Variants in FBXO38 observed in about 807,000 individuals in gnomAD.
FBXO38 encodes the protein F-box only protein 38.
FBXO38 carries 53 observed loss-of-function variants against 131.9 expected under a neutral mutation model. The ratio of observed to expected loss-of-function variants is 0.40; its 90% CI spans 0.32 to 0.51. The LOEUF is 0.51. FBXO38 is among the 20% of genes least tolerant of loss of function. FBXO38 has a pLI of 0.53. For synonymous variants in FBXO38, 452 were observed against 505.6 expected (o/e 0.89, Z 1.42); for missense variants, 1,076 against 1,475.6 (o/e 0.73, Z 4.44).
chr5:148,427,175 T>A, intron 14 of FBXO38, 38 bp from the exon 15 acceptor site: 1 of 1,537,854 alleles, frequency 6.5e-7, no homozygotes, highest in Admixed American at 2.2e-5. Context: ...CTGAAATCTT[T>A]TCTTTTCCTC....
At chr5:148,400,175 G>A (rs1283057777) in intron 3 of FBXO38, among the ~76,000 whole-genome samples, 1 of 151,982 alleles carries the variant, frequency 6.6e-6, no homozygotes, top group Non-Finnish European at 1.5e-5. Flanking sequence ...GTTTGTGGGA[G>A]GCAAACCACG....
rs747475062 is a variant in FBXO38, at chr5:148,427,501, C to T, written c.2207C>T (p.Ser736Phe). 8 of 1,614,188 alleles carry T rather than the reference C, an allele frequency of 5.0e-6. No individual in the cohort carries two copies. The highest frequency in any genetic ancestry group is 1.6e-4 in the Middle Eastern group (1 of 6,062). Residue 736 changes from serine to phenylalanine, a missense_variant, in exon 15 of 22, where the codon TCT becomes TTT. Physicochemically the swap from Ser to Phe is radical, Grantham distance 155. Around this residue, in one of 8 missense-constraint regions of FBXO38, gnomAD observed 213 missense variants for 225.2 expected, o/e 0.95. Coordinates refer to ENST00000340253, the MANE Select transcript of FBXO38 (RefSeq NM_205836.3). Reference sequence around the variant, plus strand: ...GTAAGGACGGTGAACAGCGGCGGCTCTTCCGAGCCTAGCCCTACAGAAGTG... The same window carrying T: ...GTAAGGACGGTGAACAGCGGCGGCTTTTCCGAGCCTAGCCCTACAGAAGTG... ...DFVRTVNSGG[S>F]SEPSPTEVDV...
chr5:148,387,409 C>T (rs1251070102), intron 1 of FBXO38, among the ~76,000 whole-genome samples: 1 of 152,202 alleles, frequency 6.6e-6, no homozygotes, highest in South Asian at 2.1e-4. Flanking sequence ...GCTATTTCCT[C>T]CACATCTGCA....
intron 21 of FBXO38, 131 bp downstream of exon 21, chr5:148,441,368 A>T: frequency 1.5e-6 from 1 of 682,606 alleles, no homozygotes; most frequent in South Asian, 1.7e-5. Flanking sequence ...ATTTGTATTT[A>T]CTCACTTCAA....
intron 12 of FBXO38, among the ~76,000 whole-genome samples, chr5:148,418,384 T>C (rs1316111915): frequency 6.6e-6 from 1 of 152,202 alleles, no homozygotes; most frequent in Non-Finnish European, 1.5e-5. Context: ...CTATATGGTA[T>C]TAAATCCAAA....
intron 1 of FBXO38, among the ~76,000 whole-genome samples, chr5:148,394,436 C>T (rs1221242839): frequency 6.6e-6 from 1 of 152,118 alleles, no homozygotes; most frequent in Non-Finnish European, 1.5e-5. Context: ...TAAGAAGCAA[C>T]AGTACAAATT....
In FBXO38 at chr5:148,433,522, C is replaced by G. The variant is rs770653977; in HGVS notation, c.2752C>G (p.Gln918Glu). The G allele has an allele frequency of 2.5e-6, 4 of 1,607,962 alleles. No homozygotes were observed. The highest frequency in any genetic ancestry group is 3.4e-6 in the Non-Finnish European group (4 of 1,175,672). Residue 918 changes from glutamine to glutamate, a missense_variant and splice_region_variant, in exon 16 of 22, where the codon CAG becomes GAG. Around this residue, in one of 8 missense-constraint regions of FBXO38, gnomAD observed 282 missense variants for 418.8 expected, o/e 0.67. Transcript: ENST00000340253. ...TCCTGTGATCGAGGATGACCATGTG[C>G]AGGTAGAGAAAAAACCCTCACTTAC... is the stretch of plus-strand genomic sequence containing the variant. ...SDPVIEDDHV[Q>E]VLVLKSKNLV...
At chr5:148,388,301 A>G (rs1354077729) in intron 1 of FBXO38, among the ~76,000 whole-genome samples, 1 of 152,100 alleles carries the variant, frequency 6.6e-6, no homozygotes, top group Non-Finnish European at 1.5e-5. Context: ...CATCATTCTG[A>G]AGGGCCCTAG....
At chr5:148,402,540 G>T (rs1581238027) in intron 5 of FBXO38, 27 bp downstream of exon 5, 1 of 1,518,138 alleles carries the variant, frequency 6.6e-7, no homozygotes, top group South Asian at 1.3e-5. Context: ...TGGGTCACTT[G>T]TAACTCCTTG....
At chr5:148,425,403 G>A in intron 13 of FBXO38, 119 bp from the exon 14 acceptor site, 1 of 702,148 alleles carries the variant, frequency 1.4e-6, no homozygotes, top group Non-Finnish European at 2.4e-6. Flanking sequence ...ATGTGTGCCA[G>A]GGGAGGCTGT....
At chr5:148,396,750 C>T (rs1036301333) in intron 2 of FBXO38, among the ~76,000 whole-genome samples, 5 of 152,030 alleles carry the variant, frequency 3.3e-5, no homozygotes, top group Non-Finnish European at 4.4e-5. Context: ...GCCTTAGGGG[C>T]GCACACCACT....
At chr5:148,405,710 G>T (rs1043792991) in intron 6 of FBXO38, among the ~76,000 whole-genome samples, 15 of 152,078 alleles carry the variant, frequency 9.9e-5, no homozygotes, top group African/African-American at 3.6e-4. Context: ...CGTTCTTCAG[G>T]TTCTGCCTTT....
At chr5:148,397,895 C>G (rs1333137414) in intron 2 of FBXO38, among the ~76,000 whole-genome samples, 2 of 152,046 alleles carry the variant, frequency 1.3e-5, no homozygotes, top group African/African-American at 4.8e-5. Context: ...ATACACTTAC[C>G]TGGAATTTGA....
intron 1 of FBXO38, among the ~76,000 whole-genome samples, chr5:148,387,828 A>G (rs1757995370): frequency 6.7e-6 from 1 of 150,206 alleles, no homozygotes; most frequent in Non-Finnish European, 1.5e-5. Flanking sequence ...GGTGGCTGGG[A>G]TTACAGGCAC....
intron 7 of FBXO38, among the ~76,000 whole-genome samples, chr5:148,408,503 G>A (rs989091317): frequency 2.6e-5 from 4 of 152,152 alleles, no homozygotes; most frequent in African/African-American, 9.7e-5. Flanking sequence ...ATTAAATTGT[G>A]GCATATTCAT....
At chr5:148,389,783 CT>C (rs1204794247) in intron 1 of FBXO38, 1 of 152,226 alleles carries the variant, frequency 6.6e-6, no homozygotes, top group African/African-American at 2.4e-5. Flanking sequence ...AATCCCAGCA[CT>C]TTGGGAGGCT....
rs146224693 is a variant in FBXO38, at chr5:148,421,873, C to T, written c.1619-2125C>T. Among the ~76,000 whole-genome samples, 440 of 152,240 alleles carry T rather than the reference C, an allele frequency of 2.9e-3. 3 individuals carry two copies. Among genetic ancestry groups the T allele is most frequent in the African/African-American group, 0.01 (423 of 41,536 alleles). On this transcript the variant is annotated intron_variant, in intron 12 of 21. Coordinates refer to ENST00000340253, the MANE Select transcript of FBXO38 (RefSeq NM_205836.3). ...TCACTAGCCCAAAGGCACCATCATC[C>T]GATTTAATTACCAGAGACTAAAATC...
intron 10 of FBXO38, 84 bp downstream of exon 10, chr5:148,414,390 G>A (rs2113578052): frequency 1.0e-5 from 12 of 1,192,372 alleles, no homozygotes; most frequent in Admixed American, 2.4e-5. Context: ...TGATATGATT[G>A]CATTCCTAAT....
chr5:148,420,313 G>C (rs976182882), intron 12 of FBXO38, among the ~76,000 whole-genome samples: 2 of 151,682 alleles, frequency 1.3e-5, no homozygotes, highest in African/African-American at 4.8e-5. Flanking sequence ...TTTGTGTAGA[G>C]ATAGGGTCTT....
Sources: allele counts gnomAD v4.1 joint callset (sites outside exome capture counted in the v4.1 genomes callset), GRCh38; gene constraint gnomAD v4.1.1; regional missense constraint gnomAD v4.1.1; transcripts MANE v1.5; gene names NCBI Gene and HGNC (gene_info 2026-07-23, HGNC 2026-07-21).